SEMA5A: variants seen among roughly 807,000 people sequenced by gnomAD.
SEMA5A encodes the protein semaphorin 5A.
In SEMA5A, 55 loss-of-function variants were observed where a neutral mutation model predicts 135.5. The observed-to-expected ratio is 0.41, with a 90% CI of 0.33 to 0.51. The LOEUF (loss-of-function observed/expected upper bound fraction) is 0.51. Ranked by LOEUF, SEMA5A falls within the 20% of genes least tolerant of loss-of-function variation. The pLI is 0.37. For missense variants in SEMA5A, 1,290 were observed against 1,419.9 expected (o/e 0.91, Z 1.47); for synonymous variants, 580 against 546.5 (o/e 1.06, Z -0.85).
At chr5:9,541,791 C>T (rs904134456) in intron 1 of SEMA5A, among the ~76,000 whole-genome samples, 2 of 152,196 alleles carry the variant, frequency 1.3e-5, no homozygotes, top group African/African-American at 4.8e-5. Context: ...ATTTCATGCA[C>T]AAGGTGAAAT....
intron 13 of SEMA5A, among the ~76,000 whole-genome samples, chr5:9,123,258 CAAAAAAAAAAAAAAAAAAAAA>C (rs57533658): frequency 1.2e-3 from 47 of 38,940 alleles, no homozygotes; most frequent in Non-Finnish European, 2.2e-3. Context: ...GACTCCGCCT[CAAAAAAAAAAAAAAAAAAAAA>C]AAAAAAAAAA....
In SEMA5A at chr5:9,037,693, T is replaced by A. The variant is rs1162750454; in HGVS notation, c.*5204A>T. The A allele has an allele frequency of 1.3e-5, 2 of 152,196 alleles. No homozygotes were observed. The highest frequency in any genetic ancestry group is 4.8e-5 in the African/African-American group (2 of 41,448). 9.4% of individuals were successfully genotyped at this position (152,196 alleles called of 1,614,324 possible). Reference sequence around the variant, plus strand: ...CAAGGATTAAAGCAACATATTTTCCTTTGCTTTATTAGGTTAACAAGCAAG... The same window carrying A: ...CAAGGATTAAAGCAACATATTTTCCATTGCTTTATTAGGTTAACAAGCAAG... On this transcript the variant is annotated 3_prime_UTR_variant, in exon 23 of 23. Coordinates refer to ENST00000382496, the MANE Select transcript of SEMA5A (RefSeq NM_003966.3).
chr5:9,118,868 C>T (rs1740655603), intron 15 of SEMA5A, 130 bp downstream of exon 15: 4 of 1,182,044 alleles, frequency 3.4e-6, no homozygotes, highest in Admixed American at 5.7e-5. Context: ...AAGAGGACGA[C>T]TGGCTCAGCG....
At chr5:9,141,807 T>C (rs1464317288) in intron 12 of SEMA5A, among the ~76,000 whole-genome samples, 2 of 152,184 alleles carry the variant, frequency 1.3e-5, no homozygotes, top group Non-Finnish European at 2.9e-5. Flanking sequence ...AAGTTGAGAT[T>C]TATTAATAAG....
chr5:9,222,060 T>A (rs1554005907), intron 8 of SEMA5A, among the ~76,000 whole-genome samples: 1 of 152,028 alleles, frequency 6.6e-6, no homozygotes, highest in Non-Finnish European at 1.5e-5. Flanking sequence ...TGGCCCCCCC[T>A]GGGGCTGGAT....
rs186317248 is a variant in SEMA5A at position 9,532,400 on chromosome 5, G to T, written c.-175+13184C>A. On this transcript the variant is annotated intron_variant, in intron 1 of 22. Coordinates refer to ENST00000382496, the MANE Select transcript of SEMA5A (RefSeq NM_003966.3). ...CCTGCCTCAGCCTCCCAAGTAGCTG[G>T]GATTACAGGTGCCTGCCACCATGCC... Among the ~76,000 whole-genome samples the T allele has an allele frequency of 3.7e-3, 558 of 151,326 alleles. 6 individuals are homozygous for T. Among genetic ancestry groups the T allele is most frequent in the South Asian group, 0.028 (135 of 4,768 alleles).
intron 2 of SEMA5A, among the ~76,000 whole-genome samples, chr5:9,420,383 A>G (rs572875203): frequency 3.0e-4 from 46 of 152,300 alleles, no homozygotes; most frequent in African/African-American, 9.6e-4. Context: ...CTCATAGAAG[A>G]GGAAAATGAG....
intron 5 of SEMA5A, among the ~76,000 whole-genome samples, chr5:9,297,673 G>A (rs530880238): frequency 1.3e-5 from 2 of 151,752 alleles, no homozygotes; most frequent in African/African-American, 4.8e-5. Context: ...TCCCACCTCA[G>A]TCTCCCGAGT....
At chr5:9,330,300 G>C (rs949111133) in intron 4 of SEMA5A, among the ~76,000 whole-genome samples, 2 of 151,382 alleles carry the variant, frequency 1.3e-5, no homozygotes, top group African/African-American at 2.4e-5. Flanking sequence ...TGAGGCAGAA[G>C]AATGGCGTGA....
At chr5:9,138,033 A>G (rs1230781634) in intron 12 of SEMA5A, among the ~76,000 whole-genome samples, 1 of 152,230 alleles carries the variant, frequency 6.6e-6, no homozygotes, top group Non-Finnish European at 1.5e-5. Context: ...ACTGATAGGT[A>G]GTAAGTTATT....
At chr5:9,190,726 T>C (rs975773606) in intron 10 of SEMA5A, among the ~76,000 whole-genome samples, 4 of 152,120 alleles carry the variant, frequency 2.6e-5, no homozygotes, top group Non-Finnish European at 1.5e-5. Context: ...AAAAAAAAAT[T>C]AAAGTGGGAG....
chr5:9,394,410 C>T (rs955766919), intron 2 of SEMA5A, among the ~76,000 whole-genome samples: 1 of 152,162 alleles, frequency 6.6e-6, no homozygotes. Context: ...CACGCCCTGC[C>T]GTGGAGTCTG....
Position 9,066,630 on chromosome 5 carries a change from T to G in SEMA5A, c.2090A>C (p.Asn697Thr). The G allele has an allele frequency of 6.2e-7, 1 of 1,614,076 alleles. No homozygotes were observed. Residue 697 changes from asparagine to threonine, a missense_variant, in exon 17 of 23, where the codon AAC (asparagine) becomes ACC (threonine). By Grantham distance (65) the Asn-to-Thr change is moderately conservative. Around this residue, in one of 3 missense-constraint regions of SEMA5A, gnomAD observed 1,029 missense variants for 1,086.6 expected, o/e 0.95. Coordinates refer to ENST00000382496, the MANE Select transcript of SEMA5A (RefSeq NM_003966.3). The stretch of plus-strand genomic sequence containing the variant: ...CTTCAGCTCAGGACACGGGTTGGTG[T>G]TGCAAGACTGGTACTCCTGGGGAGA... ...AGCNVEYQSC[N>T]TNPCPELKKT...
chr5:9,084,209 G>T (rs190620046), intron 16 of SEMA5A, among the ~76,000 whole-genome samples: 3 of 152,212 alleles, frequency 2.0e-5, no homozygotes, highest in Non-Finnish European at 4.4e-5. Flanking sequence ...TACTCAAGAT[G>T]TGTGCCTCCT....
Position 9,353,354 on chromosome 5 carries a change from G to GGAAAGGA in SEMA5A, c.125-15543_125-15542insTCCTTTC, listed in dbSNP as rs1754288041. ...AAAGGAAATGAAAGGAAAGGAAAGG[G>GGAAAGGA]AAGGAAAGGAAAGGAAAGGAAAGGA... On this transcript the variant is annotated intron_variant, in intron 3 of 22. Coordinates refer to ENST00000382496, the MANE Select transcript of SEMA5A (RefSeq NM_003966.3). Among the ~76,000 whole-genome samples, 25 of 54,386 alleles carry GGAAAGGA rather than the reference G, an allele frequency of 4.6e-4. 1 individual carries two copies. Among genetic ancestry groups the GGAAAGGA allele is most frequent in the East Asian group, 1.4e-3 (2 of 1,460 alleles). The allele number at this position is 54,386 out of a possible 152,430, so 35.7% of individuals were successfully genotyped here.
chr5:9,225,008 G>A, intron 7 of SEMA5A, 121 bp from the exon 8 acceptor site: 1 of 898,428 alleles, frequency 1.1e-6, no homozygotes, highest in Non-Finnish European at 1.7e-6. Flanking sequence ...GGGCCCATGG[G>A]GCAAGATGAC....
At position 9,035,400 on chromosome 5, in the gene SEMA5A, G is replaced by T. The variant is rs1735592761; in HGVS notation, c.*7497C>A. The T allele has an allele frequency of 6.7e-6, 1 of 149,630 alleles. No individual in the cohort carries two copies. The highest frequency in any genetic ancestry group is 2.4e-5 in the African/African-American group (1 of 41,362). The allele number at this position is 149,630 out of a possible 1,614,324, so 9.3% of individuals were successfully genotyped here. A position where few individuals can be genotyped will look rare whatever the true frequency, so the allele number is the denominator to read the frequency against. ...GTTTGTTTCTCAAAGCTGAGGCTTG[G>T]AGCAGGTGTGAGTTGCCTTCCATTG... On this transcript the variant is annotated 3_prime_UTR_variant, in exon 23 of 23. Coordinates refer to ENST00000382496, the MANE Select transcript of SEMA5A (RefSeq NM_003966.3).
At chr5:9,159,361 G>A (rs1461341836) in intron 11 of SEMA5A, among the ~76,000 whole-genome samples, 3 of 152,104 alleles carry the variant, frequency 2.0e-5, no homozygotes, top group Non-Finnish European at 4.4e-5. Context: ...TGATTGCATT[G>A]TCCTTTTTTT....
intron 12 of SEMA5A, among the ~76,000 whole-genome samples, chr5:9,142,983 C>T (rs1471675971): frequency 1.3e-5 from 2 of 152,006 alleles, no homozygotes; most frequent in Non-Finnish European, 2.9e-5. Flanking sequence ...AATTATCTTA[C>T]AAAAAATAAG....
Sources: allele counts gnomAD v4.1 joint callset (sites outside exome capture counted in the v4.1 genomes callset), GRCh38; gene constraint gnomAD v4.1.1; regional missense constraint gnomAD v4.1.1; transcripts MANE v1.5; gene names NCBI Gene and HGNC (gene_info 2026-07-23, HGNC 2026-07-21).